Variants in TMED9 observed in about 807,000 individuals in gnomAD.
TMED9 encodes the protein transmembrane emp24 domain-containing protein 9.
TMED9 carries 22 observed loss-of-function variants against 30.6 expected under a neutral mutation model. The ratio of observed to expected loss-of-function variants is 0.72; its 90% CI spans 0.51 to 1.03. TMED9 has a LOEUF of 1.03. TMED9 is among the 50% of genes least tolerant of loss of function. The probability of loss-of-function intolerance (pLI) is 0.00; values close to 1 mark genes in which losing one functional copy is unlikely to be tolerated. For missense variants in TMED9, 251 were observed against 302.1 expected (o/e 0.83, Z 1.25); for synonymous variants, 146 against 122.8 (o/e 1.19, Z -1.25).
In TMED9 at chr5:177,595,650, A is replaced by G. The variant is rs191767305; in HGVS notation, c.*234A>G. The G allele has an allele frequency of 9.7e-4, 268 of 275,320 alleles. No homozygotes were observed. Among genetic ancestry groups the G allele is most frequent in the African/African-American group, 5.9e-3 (245 of 41,748 alleles). 17.1% of individuals were successfully genotyped at this position (275,320 alleles called of 1,614,324 possible). On this transcript the variant is annotated 3_prime_UTR_variant, in exon 5 of 5. Coordinates refer to ENST00000332598, the MANE Select transcript of TMED9 (RefSeq NM_017510.6). ...CTGGGCCGTTTGGTAGTAATCACCC[A>G]AGGGCTGGTAAAGCCCCTCCTCTTG...
At chr5:177,593,237 A>G (rs1310482090) in intron 2 of TMED9, 1 of 166,196 alleles carries the variant, frequency 6.0e-6, no homozygotes, top group Non-Finnish European at 1.3e-5. Flanking sequence ...AAGGCACGAT[A>G]ATTGCTTGAA....
intron 4 of TMED9, 66 bp from the exon 5 acceptor site, chr5:177,595,201 T>G (rs999183449): frequency 4.1e-6 from 6 of 1,460,016 alleles, no homozygotes; most frequent in Non-Finnish European, 5.5e-6. Context: ...GGGCATCCTC[T>G]TGGTCTGGGA....
chr5:177,595,286 G>A lies in TMED9; in HGVS notation c.578G>A (p.Arg193Gln). The A allele has an allele frequency of 5.6e-6, 9 of 1,599,976 alleles. No individual in the cohort carries two copies. The highest frequency in any genetic ancestry group is 1.1e-5 in the South Asian group (1 of 90,096). ...NYQRWREERF[R>Q]QTSESTNQRV... The stretch of plus-strand genomic sequence containing the variant: ...CTGCAGTGGCGAGAGGAGCGCTTCC[G>A]GCAGACCAGTGAGAGCACCAACCAG... Residue 193 changes from arginine (R) to glutamine (Q), a missense_variant, in exon 5 of 5, where the codon CGG (arginine) becomes CAG (glutamine). This residue lies in a region of TMED9 where 153 missense variants were observed against 239.6 expected (regional missense o/e 0.64). Transcript: ENST00000332598.
intron 4 of TMED9, 87 bp from the exon 5 acceptor site, chr5:177,595,180 T>C: frequency 7.0e-7 from 1 of 1,425,924 alleles, no homozygotes; most frequent in South Asian, 1.5e-5. Flanking sequence ...TGGGCAAAGC[T>C]GGCTGACCTT....
chr5:177,595,396 G>A lies in TMED9; in HGVS notation c.688G>A (p.Glu230Lys). Residue 230 changes from glutamate to lysine, a missense_variant, in exon 5 of 5, where the codon GAA (glutamate) becomes AAA (lysine). Glu to Lys is a moderately conservative substitution (Grantham distance 56). Coordinates refer to ENST00000332598, the MANE Select transcript of TMED9 (RefSeq NM_017510.6). ...GATGCGGCACCTCAAGAGCTTCTTT[G>A]AAGCCAAGAAGCTTGTGTAGCTGTC... is the stretch of plus-strand genomic sequence containing the variant. Reference protein sequence around the residue: ...WQMRHLKSFFEAKKLV With the variant: ...WQMRHLKSFFKAKKLV 6.2e-7 allele frequency: 1 copy of A among 1,611,254 alleles called. No individual in the cohort carries two copies. Among genetic ancestry groups the A allele is most frequent in the Non-Finnish European group, 8.5e-7 (1 of 1,178,014 alleles).
At chr5:177,594,407 T>G in intron 4 of TMED9, 122 bp downstream of exon 4, 5 of 1,230,718 alleles carry the variant, frequency 4.1e-6, no homozygotes, top group Non-Finnish European at 5.6e-6. Context: ...GCATTGTAGG[T>G]CGTGGGGCGG....
rs1293714029 is a variant in TMED9, at chr5:177,595,578, A to G, written c.*162A>G. 2 of 821,112 alleles carry G rather than the reference A, an allele frequency of 2.4e-6. No individual in the cohort carries two copies. The highest frequency in any genetic ancestry group is 3.6e-6 in the Non-Finnish European group (2 of 549,186). 50.9% of individuals were successfully genotyped at this position (821,112 alleles called of 1,614,324 possible). ...CAAGCTGAAGGCAGCAGCTTGGCTA[A>G]TACTGAGCAGGTAGTGGGGCAAATT... is the stretch of plus-strand genomic sequence containing the variant. On this transcript the variant is annotated 3_prime_UTR_variant, in exon 5 of 5. Coordinates refer to ENST00000332598, the MANE Select transcript of TMED9 (RefSeq NM_017510.6).
At chr5:177,592,993 C>T (rs558633472) in intron 2 of TMED9, among the ~76,000 whole-genome samples, 47 of 152,182 alleles carry the variant, frequency 3.1e-4, no homozygotes, top group Middle Eastern at 6.8e-3. Context: ...TCAGCTCTCA[C>T]CTTCTGTCAC....
At chr5:177,593,361 A>G (rs979535567) in intron 2 of TMED9, 2 of 296,028 alleles carry the variant, frequency 6.8e-6, no homozygotes, top group Non-Finnish European at 1.2e-5. Flanking sequence ...CCAAAAAACA[A>G]CTCACACCAA....
At chr5:177,593,956 G>A in intron 3 of TMED9, 181 bp downstream of exon 3, 1 of 1,186,338 alleles carries the variant, frequency 8.4e-7, no homozygotes, top group African/African-American at 1.5e-5. Flanking sequence ...CTCACTCAGA[G>A]CACCAGCCCA....
At chr5:177,594,010 AC>A (rs1259812115) in intron 3 of TMED9, 128 bp from the exon 4 acceptor site, 4 of 1,336,224 alleles carry the variant, frequency 3.0e-6, no homozygotes, top group Non-Finnish European at 4.2e-6. Context: ...TGGGGCTAAG[AC>A]ACTGAAGAGG....
In TMED9 at chr5:177,594,182, A is replaced by G; in HGVS notation, c.455A>G (p.Tyr152Cys). Reference protein sequence around the residue: ...DIQVGEHANDYAEIAAKDKLS... With the variant: ...DIQVGEHANDCAEIAAKDKLS... Reference sequence around the variant, plus strand: ...CAGGTAGGTGAACATGCCAATGACTATGCAGAAATTGCTGCTAAAGACAAG... The same window carrying G: ...CAGGTAGGTGAACATGCCAATGACTGTGCAGAAATTGCTGCTAAAGACAAG... Residue 152 changes from tyrosine (Y) to cysteine (C), a missense_variant, in exon 4 of 5, where the codon TAT becomes TGT. Tyr to Cys is a radical substitution (Grantham distance 194). This residue lies in a region of TMED9 where 153 missense variants were observed against 239.6 expected (regional missense o/e 0.64). Transcript: ENST00000332598. The G allele has an allele frequency of 1.2e-6, 2 of 1,614,256 alleles. No homozygotes were observed. The highest frequency in any genetic ancestry group is 1.7e-6 in the Non-Finnish European group (2 of 1,180,040).
chr5:177,594,416 G>A (rs537863685), intron 4 of TMED9, 131 bp downstream of exon 4: 42 of 1,114,812 alleles, frequency 3.8e-5, no homozygotes, highest in African/African-American at 2.5e-4. Context: ...GTCGTGGGGC[G>A]GGTATTACTA....
chr5:177,594,554 G>T (rs1767650378), intron 4 of TMED9, among the ~76,000 whole-genome samples: 1 of 152,158 alleles, frequency 6.6e-6, no homozygotes, highest in Admixed American at 6.5e-5. Flanking sequence ...GGGTCCACAT[G>T]CTCCCAGGAC....
At chr5:177,593,922 A>G in intron 3 of TMED9, 147 bp downstream of exon 3, 3 of 1,285,308 alleles carry the variant, frequency 2.3e-6, no homozygotes, top group Non-Finnish European at 1.1e-6. Context: ...TCCAGGACAC[A>G]GTGACTGAGC....
chr5:177,594,296 G>A lies in TMED9; in HGVS notation c.558+11G>A. The A allele has an allele frequency of 4.3e-6, 7 of 1,613,512 alleles. No homozygotes were observed. The highest frequency in any genetic ancestry group is 1.1e-5 in the South Asian group (1 of 90,996). On this transcript the variant is annotated intron_variant, in intron 4 of 4. Coordinates refer to ENST00000332598, the MANE Select transcript of TMED9 (RefSeq NM_017510.6). ...CAGAACTACCAGCGGGTGAGTGACTGGGCCGGGAGCAGTGGGCTTCTCCCT... is the reference window on the plus strand; with the variant it reads ...CAGAACTACCAGCGGGTGAGTGACTAGGCCGGGAGCAGTGGGCTTCTCCCT...
chr5:177,594,258 G>GA lies in TMED9; in HGVS notation c.532dup (p.Ile178AsnfsTer20). ...GACAGCTGGTGGAACAAGTGGAGCA[G>GA]ATCCAGAAAGAGCAGAACTACCAGC... On this transcript the variant is annotated frameshift_variant, in exon 4 of 5. Transcript: ENST00000332598. LOFTEE classifies it high-confidence loss of function. The GA allele has an allele frequency of 6.2e-7, 1 of 1,614,176 alleles. No homozygotes were observed. Among genetic ancestry groups the GA allele is most frequent in the South Asian group, 1.1e-5 (1 of 91,068 alleles).
chr5:177,593,998 C>T, intron 3 of TMED9, 141 bp from the exon 4 acceptor site: 2 of 1,269,946 alleles, frequency 1.6e-6, no homozygotes, highest in Non-Finnish European at 2.2e-6. Context: ...CCCAGAGCCT[C>T]ATGGGGCTAA....
rs1767707536 is a variant in TMED9, at chr5:177,597,227, A to G, written c.*1811A>G. ...GGAGTTTGAGACCAGCCTGGCCAAC[A>G]TGGTGAAACCTCATCTCTACTAAAA... is the stretch of plus-strand genomic sequence containing the variant. On this transcript the variant is annotated 3_prime_UTR_variant, in exon 5 of 5. Transcript: ENST00000332598. Among the ~76,000 whole-genome samples the G allele has an allele frequency of 6.6e-6, 1 of 151,934 alleles. No homozygotes were observed. The highest frequency in any genetic ancestry group is 2.1e-4 in the South Asian group (1 of 4,822).
Sources: gnomAD v4.1 joint callset for allele counts (sites outside exome capture counted in the v4.1 genomes callset) on GRCh38, gnomAD v4.1.1 for gene constraint, gnomAD v4.1.1 regional missense constraint, MANE v1.5 for transcripts, NCBI Gene and HGNC (gene_info 2026-07-23, HGNC 2026-07-21) for gene names.